The following SND1 variants were observed in gnomAD, a reference collection of about 807,000 sequenced individuals.
SND1 encodes the protein staphylococcal nuclease domain-containing protein 1.
A neutral mutation model predicts 121.7 loss-of-function variants in SND1; 38 were observed. The observed-to-expected ratio is 0.31, with a 90% confidence interval of 0.24 to 0.41. SND1 has a LOEUF of 0.41. SND1 is among the 10% of genes least tolerant of loss of function. The pLI is 1.00. For missense variants in SND1, 868 were observed against 1,184.6 expected, an observed-to-expected ratio of 0.73 and a Z score of 3.92; for synonymous variants, 401 against 447.4, an observed-to-expected ratio of 0.90 and a Z score of 1.31.
intron 16 of SND1, among the ~76,000 whole-genome samples, chr7:128,002,039 T>A (rs993609838): frequency 6.6e-6 from 1 of 152,240 alleles, no homozygotes; most frequent in African/African-American, 2.4e-5. Context: ...GATCTAGGTA[T>A]GTGTGTTGTG....
At chr7:127,890,660 G>T (rs1387381211) in intron 13 of SND1, among the ~76,000 whole-genome samples, 1 of 152,124 alleles carries the variant, frequency 6.6e-6, no homozygotes, top group African/African-American at 2.4e-5. Context: ...GGAAAGTGAG[G>T]CCAGAATAAG....
intron 16 of SND1, among the ~76,000 whole-genome samples, 163 bp from the exon 17 acceptor site, chr7:128,074,339 C>T (rs1054693642): frequency 6.6e-6 from 1 of 152,202 alleles, no homozygotes; most frequent in South Asian, 2.1e-4. Flanking sequence ...TGTCTGTTCC[C>T]GTGAGAGGCT....
intron 10 of SND1, among the ~76,000 whole-genome samples, chr7:127,787,988 A>C (rs1482621549): frequency 6.6e-6 from 1 of 152,224 alleles, no homozygotes; most frequent in Non-Finnish European, 1.5e-5. Flanking sequence ...TCAGGAATGC[A>C]TATATTCTCA....
intron 12 of SND1, among the ~76,000 whole-genome samples, chr7:127,871,249 A>G (rs1162218155): frequency 6.6e-6 from 1 of 152,184 alleles, no homozygotes; most frequent in Non-Finnish European, 1.5e-5. Flanking sequence ...GAAGGCATGC[A>G]CTCTAAAATA....
chr7:127,719,896 A>T (rs1197351880), intron 9 of SND1, among the ~76,000 whole-genome samples: 2 of 152,030 alleles, frequency 1.3e-5, no homozygotes, highest in Non-Finnish European at 2.9e-5. Flanking sequence ...GATGGCACTT[A>T]ACTCCTGCTG....
At position 128,029,256 on chromosome 7, in the gene SND1, G is replaced by T. The variant is rs1436155405; in HGVS notation, c.1779+38200G>T. On this transcript the variant is annotated intron_variant, in intron 16 of 23. Coordinates refer to ENST00000354725, the MANE Select transcript of SND1 (RefSeq NM_014390.4). The surrounding 1 kb of genome is among the most constrained non-coding windows in gnomAD (Gnocchi z 4.2). ...CGTTGTGTCCTCAGGCGAGATCTCCGTGGTCTCCACTGTTACTGTGGTGAA... is the reference window on the plus strand; with the variant it reads ...CGTTGTGTCCTCAGGCGAGATCTCCTTGGTCTCCACTGTTACTGTGGTGAA... 1.2e-6 allele frequency: 2 copies of T among 1,614,120 alleles called. No individual in the cohort carries two copies. The highest frequency in any genetic ancestry group is 3.3e-5 in the Admixed American group (2 of 60,026).
At chr7:128,037,554 TCA>T (rs1174416155) in intron 16 of SND1, among the ~76,000 whole-genome samples, 2 of 152,230 alleles carry the variant, frequency 1.3e-5, no homozygotes, top group Non-Finnish European at 2.9e-5. Flanking sequence ...GAGCCAGGTT[TCA>T]GTCTCAGTAC....
intron 11 of SND1, among the ~76,000 whole-genome samples, chr7:127,836,382 A>C (rs2116633070): frequency 6.6e-6 from 1 of 152,312 alleles, no homozygotes. Flanking sequence ...GCATAAATAC[A>C]TGTGAAGAAA....
Position 127,763,368 on chromosome 7 carries a change from A to C in SND1, c.1152+41968A>C, listed in dbSNP as rs1300589232. Among the ~76,000 whole-genome samples, 2 of 152,236 alleles carry C rather than the reference A, an allele frequency of 1.3e-5. 1 individual carries two copies. The highest frequency in any genetic ancestry group is 6.8e-3 in the Middle Eastern group (2 of 294). On this transcript the variant is annotated intron_variant, in intron 10 of 23. Coordinates refer to ENST00000354725, the MANE Select transcript of SND1 (RefSeq NM_014390.4). The stretch of plus-strand genomic sequence containing the variant: ...TTCAGTCAAATTAATTTTTTTTGAG[A>C]CAGAGTCTTGCTCTGTTGCCCAGGC...
intron 10 of SND1, among the ~76,000 whole-genome samples, chr7:127,762,210 A>G (rs879807191): frequency 8.5e-5 from 13 of 152,246 alleles, no homozygotes; most frequent in Non-Finnish European, 1.5e-4. Context: ...TGATAACTTT[A>G]TTAGTTTGCT....
At chr7:127,859,253 GC>G (rs949408839) in intron 12 of SND1, among the ~76,000 whole-genome samples, 2 of 152,176 alleles carry the variant, frequency 1.3e-5, no homozygotes, top group African/African-American at 4.8e-5. Flanking sequence ...GACACAGAGA[GC>G]CACCCTTCCC....
Position 128,029,558 on chromosome 7 carries a change from G to A in SND1, c.1779+38502G>A, listed in dbSNP as rs1792516039. The A allele has an allele frequency of 1.2e-6, 2 of 1,613,960 alleles. No homozygotes were observed. Among genetic ancestry groups the A allele is most frequent in the Admixed American group, 1.7e-5 (1 of 59,998 alleles). ...CCATCCGACCCTCAGAAATGTTGAG[G>A]TCTCGAGGTGCGTCCATGATGAAGG... On this transcript the variant is annotated intron_variant, in intron 16 of 23. Transcript: ENST00000354725. The surrounding 1 kb of genome is among the most constrained non-coding windows in gnomAD (Gnocchi z 4.2).
At chr7:127,747,454 G>A (rs1370713669) in intron 10 of SND1, among the ~76,000 whole-genome samples, 1 of 152,172 alleles carries the variant, frequency 6.6e-6, no homozygotes, top group African/African-American at 2.4e-5. Flanking sequence ...TTGGCATTGG[G>A]TATTGAAGGA....
At chr7:127,986,219 A>G (rs1215746611) in intron 15 of SND1, among the ~76,000 whole-genome samples, 1 of 152,220 alleles carries the variant, frequency 6.6e-6, no homozygotes, top group Non-Finnish European at 1.5e-5. Context: ...AAGAATGTGT[A>G]CTTCTTGTTC....
chr7:127,775,580 T>G (rs892174019), intron 10 of SND1, among the ~76,000 whole-genome samples: 1 of 152,136 alleles, frequency 6.6e-6, no homozygotes, highest in South Asian at 2.1e-4. Flanking sequence ...CGTTTCATAC[T>G]TTACACCTGG....
At chr7:128,016,242 C>G (rs1803222299) in intron 16 of SND1, among the ~76,000 whole-genome samples, 1 of 151,452 alleles carries the variant, frequency 6.6e-6, no homozygotes, top group South Asian at 2.1e-4. Flanking sequence ...CTCAGCCTCC[C>G]TAGTAGCTAG....
At chr7:128,086,164 C>T (rs1793684637) in intron 20 of SND1, among the ~76,000 whole-genome samples, 1 of 152,202 alleles carries the variant, frequency 6.6e-6, no homozygotes, top group Non-Finnish European at 1.5e-5. Context: ...CCGGCACATC[C>T]CCAAACTCAG....
intron 3 of SND1, among the ~76,000 whole-genome samples, chr7:127,696,520 A>G (rs770498666): frequency 2.0e-5 from 3 of 152,254 alleles, no homozygotes; most frequent in African/African-American, 7.2e-5. Context: ...GAAGTGTACT[A>G]TCTTCAAAAT....
chr7:128,003,814 A>T (rs775335234), intron 16 of SND1, among the ~76,000 whole-genome samples: 6 of 151,192 alleles, frequency 4.0e-5, no homozygotes, highest in Non-Finnish European at 8.8e-5. Flanking sequence ...TTTGCTAAAT[A>T]GCTGTATCTT....
Sources: gnomAD v4.1 joint callset for allele counts (sites outside exome capture counted in the v4.1 genomes callset) on GRCh38, gnomAD v4.1.1 for gene constraint, Gnocchi (gnomAD v3.1) non-coding constraint, MANE v1.5 for transcripts, NCBI Gene and HGNC (gene_info 2026-07-23, HGNC 2026-07-21) for gene names.